KMT2E: variants seen among roughly 807,000 people sequenced by gnomAD.
KMT2E encodes the protein lysine methyltransferase 2E (inactive), also known as histone reader KMT2E.
Under a neutral mutation model 184.6 loss-of-function variants are expected in KMT2E, and 30 were observed. That is an observed-to-expected ratio of 0.16 (90% CI 0.12 to 0.22). The LOEUF (loss-of-function observed/expected upper bound fraction) is 0.22. Ranked by LOEUF, KMT2E falls within the 10% of genes least tolerant of loss-of-function variation. The pLI is 1.00. For missense variants in KMT2E, 2,023 were observed against 2,237.4 expected (o/e 0.90, Z 1.93); for synonymous variants, 815 against 776.5 (o/e 1.05, Z -0.82).
chr7:105,111,759 A>AC (rs1195842746), intron 26 of KMT2E, 66 bp from the exon 27 acceptor site: 2 of 1,512,760 alleles, frequency 1.3e-6, no homozygotes, highest in Non-Finnish European at 1.8e-6. Flanking sequence ...TTAAATACCA[A>AC]CAAGAATAAA....
intron 3 of KMT2E, among the ~76,000 whole-genome samples, chr7:105,058,646 A>T (rs1367684151): frequency 6.6e-6 from 1 of 152,204 alleles, no homozygotes; most frequent in African/African-American, 2.4e-5. Flanking sequence ...CTTGTTGGAA[A>T]CAGAATTCAG....
Position 105,062,221 on chromosome 7 carries a change from C to T in KMT2E, c.129C>T (p.His43=). 6.2e-7 allele frequency: 1 copy of T among 1,613,628 alleles called. No homozygotes were observed. Among genetic ancestry groups the T allele is most frequent in the East Asian group, 2.2e-5 (1 of 44,832 alleles). The change falls in exon 4 of 27, where the codon CAC becomes CAT. Residue 43 remains histidine, a synonymous_variant. Coordinates refer to ENST00000311117, the MANE Select transcript of KMT2E (RefSeq NM_182931.3). ...TTGAGAAATCCAACAGTTATCCCCA[C>T]CAGTTATATACCAGCAGCTCACATC... ...VVVEKSNSYP[H]QLYTSSSHHS...
chr7:105,072,849 G>C (rs1327761341), intron 6 of KMT2E, among the ~76,000 whole-genome samples: 1 of 152,014 alleles, frequency 6.6e-6, no homozygotes, highest in Non-Finnish European at 1.5e-5. Flanking sequence ...AGGAGGCAGA[G>C]GTTGCAGTGA....
chr7:105,040,726 C>G (rs1795843674), intron 2 of KMT2E, 113 bp from the exon 3 acceptor site: 2 of 345,076 alleles, frequency 5.8e-6, no homozygotes, highest in African/African-American at 2.1e-5. Context: ...GAGAGAGACT[C>G]TAAGCAAATT....
intron 3 of KMT2E, among the ~76,000 whole-genome samples, chr7:105,049,717 C>T (rs189646226): frequency 3.6e-4 from 55 of 152,096 alleles, no homozygotes; most frequent in African/African-American, 1.2e-3. Context: ...TTGGCAAAAC[C>T]CCATGTCTAC....
At chr7:105,067,216 A>G (rs373009786) in intron 6 of KMT2E, among the ~76,000 whole-genome samples, 12 of 151,958 alleles carry the variant, frequency 7.9e-5, no homozygotes, top group Non-Finnish European at 1.6e-4. Context: ...ATATCTATCA[A>G]TAGTGTGTCA....
intron 12 of KMT2E, among the ~76,000 whole-genome samples, chr7:105,080,421 GAC>G (rs1394041174): frequency 6.7e-6 from 1 of 149,618 alleles, no homozygotes; most frequent in African/African-American, 2.5e-5. Context: ...TTTTTTAAAA[GAC>G]AGGATCTTGC....
intron 18 of KMT2E, 35 bp from the exon 19 acceptor site, chr7:105,105,824 G>A (rs774627394): frequency 2.4e-5 from 38 of 1,595,964 alleles, no homozygotes; most frequent in Non-Finnish European, 3.0e-5. Context: ...GCTACAAAGT[G>A]ATTCCTGTTC....
intron 13 of KMT2E, among the ~76,000 whole-genome samples, chr7:105,088,090 T>C (rs764262127): frequency 1.3e-5 from 2 of 152,182 alleles, no homozygotes; most frequent in African/African-American, 2.4e-5. Flanking sequence ...AGCATAGTTC[T>C]TTGCTCAGTG....
chr7:105,086,245 T>C (rs1215509000), intron 13 of KMT2E, among the ~76,000 whole-genome samples: 1 of 152,198 alleles, frequency 6.6e-6, no homozygotes, highest in Non-Finnish European at 1.5e-5. Flanking sequence ...TGTGTGTACA[T>C]GTCCTCTCCA....
chr7:105,071,419 T>C (rs1797284332), intron 6 of KMT2E, among the ~76,000 whole-genome samples: 2 of 150,814 alleles, frequency 1.3e-5, no homozygotes, highest in Non-Finnish European at 3.0e-5. Context: ...CAGGCTGCAG[T>C]GCAGTGGTAC....
chr7:105,071,733 A>G (rs1006420379), intron 6 of KMT2E, among the ~76,000 whole-genome samples: 3 of 147,304 alleles, frequency 2.0e-5, no homozygotes, highest in Non-Finnish European at 4.5e-5. Context: ...CTGAGATTAC[A>G]GGCGTGGGCC....
In KMT2E at chr7:105,113,256, C is replaced by A. The variant is rs779447997; in HGVS notation, c.5500C>A (p.Pro1834Thr). 6.2e-7 allele frequency: 1 copy of A among 1,614,202 alleles called. No homozygotes were observed. The highest frequency in any genetic ancestry group is 1.1e-5 in the South Asian group (1 of 91,086). The change falls in exon 27 of 27, where the codon CCT (proline) becomes ACT (threonine). Residue 1834 changes from proline (P) to threonine (T), a missense_variant. Coordinates refer to ENST00000311117, the MANE Select transcript of KMT2E (RefSeq NM_182931.3). ...VQGPQQASPV[P>T]GQIPIHRAQV... ...AGGACCTCAGCAGGCATCTCCAGTG[C>A]CTGGACAGATTCCAATTCACAGAGC...
intron 1 of KMT2E, among the ~76,000 whole-genome samples, chr7:105,023,214 A>G (rs1371336155): frequency 3.3e-5 from 5 of 151,928 alleles, no homozygotes; most frequent in Admixed American, 3.3e-4. Flanking sequence ...TCTCCAATAA[A>G]AAAATCCATT....
chr7:105,087,103 A>G (rs1333563327), intron 13 of KMT2E, among the ~76,000 whole-genome samples: 9 of 147,492 alleles, frequency 6.1e-5, no homozygotes, highest in Non-Finnish European at 1.0e-4. Flanking sequence ...AATATACATT[A>G]TAGCATATGT....
chr7:105,063,934 T>A (rs1025372593), intron 5 of KMT2E: 91 of 454,854 alleles, frequency 2.0e-4, no homozygotes, highest in Non-Finnish European at 7.0e-5. Flanking sequence ...TTGTGCTTAG[T>A]CAACTGTGAT....
intron 12 of KMT2E, among the ~76,000 whole-genome samples, chr7:105,081,327 T>C (rs1178061650): frequency 2.0e-5 from 3 of 151,960 alleles, no homozygotes; most frequent in Non-Finnish European, 2.9e-5. Context: ...GAGCTTGCAG[T>C]GAGCCGAGAT....
At chr7:105,059,975 GT>G (rs1562898146) in intron 3 of KMT2E, among the ~76,000 whole-genome samples, 1 of 45,616 alleles carries the variant, frequency 2.2e-5, no homozygotes, top group African/African-American at 6.1e-5. Flanking sequence ...TTTTCTTGTT[GT>G]TGTTTTTTTT....
At chr7:105,068,005 C>T (rs930047832) in intron 6 of KMT2E, among the ~76,000 whole-genome samples, 9 of 152,130 alleles carry the variant, frequency 5.9e-5, no homozygotes, top group Admixed American at 2.6e-4. Context: ...CATTATTGTA[C>T]ATGGAACAAA....
Sources: allele counts gnomAD v4.1 joint callset (sites outside exome capture counted in the v4.1 genomes callset), GRCh38; gene constraint gnomAD v4.1.1; transcripts MANE v1.5; gene names NCBI Gene and HGNC (gene_info 2026-07-23, HGNC 2026-07-21).